ARHGAP15: variants seen among roughly 807,000 people sequenced by gnomAD.
ARHGAP15 encodes Rho GTPase activating protein 15, also known as rho GTPase-activating protein 15.
Under a neutral mutation model 63.7 loss-of-function variants are expected in ARHGAP15, and 51 were observed. The ratio of observed to expected loss-of-function variants is 0.80; its 90% CI spans 0.64 to 1.01. The LOEUF (loss-of-function observed/expected upper bound fraction) is 1.01, where lower values mean the gene tolerates loss of function less well. Among genes scored for constraint, ARHGAP15 ranks in the 50% least tolerant of loss-of-function variants. The pLI is 0.00. For missense variants in ARHGAP15, 560 were observed against 564.6 expected (o/e 0.99, Z 0.08); for synonymous variants, 191 against 193.8 (o/e 0.99, Z 0.12).
rs372197219 is a variant in ARHGAP15 at position 143,265,705 on chromosome 2, A to C, written c.474+15105A>C. Among the ~76,000 whole-genome samples, 14 of 152,250 alleles carry C rather than the reference A, an allele frequency of 9.2e-5. 1 individual carries two copies. In the South Asian group the frequency reaches 2.9e-3, roughly 32 times the overall value. ...TGATACTTATCTGGGTAAGGTGAAC[A>C]TGCAATTCTTAGACTTGCCTTTGTT... On this transcript the variant is annotated intron_variant, in intron 6 of 13. Transcript: ENST00000295095.
At chr2:143,363,537 T>C (rs1028473247) in intron 6 of ARHGAP15, among the ~76,000 whole-genome samples, 2 of 152,284 alleles carry the variant, frequency 1.3e-5, no homozygotes, top group Admixed American at 1.3e-4. Flanking sequence ...CTCTTGCTAC[T>C]GTTCTTTATA....
intron 8 of ARHGAP15, among the ~76,000 whole-genome samples, chr2:143,483,879 A>C (rs1354196998): frequency 1.3e-5 from 2 of 152,146 alleles, no homozygotes; most frequent in Non-Finnish European, 1.5e-5. Flanking sequence ...CTCCTCTTAG[A>C]TCCTTTAATC....
rs6714144 is a variant in ARHGAP15 at position 143,209,464 on chromosome 2, C to G, written c.235-6920C>G. On this transcript the variant is annotated intron_variant, in intron 3 of 13. Coordinates refer to ENST00000295095, the MANE Select transcript of ARHGAP15 (RefSeq NM_018460.4). ...GATAATATGCTAACTGGCCATGTCC[C>G]TTTCTAGAGAAGCGTTCAGTCTAGG... Among the ~76,000 whole-genome samples the G allele has an allele frequency of 3.6e-3, 552 of 152,120 alleles. 2 individuals are homozygous for G. Among genetic ancestry groups the G allele is most frequent in the African/African-American group, 0.013 (529 of 41,484 alleles).
intron 12 of ARHGAP15, among the ~76,000 whole-genome samples, chr2:143,691,954 A>T (rs541006784): frequency 6.6e-6 from 1 of 152,326 alleles, no homozygotes; most frequent in Admixed American, 6.5e-5. Flanking sequence ...ATGCCAGATG[A>T]TGGAATTTGG....
intron 6 of ARHGAP15, among the ~76,000 whole-genome samples, chr2:143,302,608 G>T (rs1379447491): frequency 6.6e-6 from 1 of 151,954 alleles, no homozygotes; most frequent in Non-Finnish European, 1.5e-5. Flanking sequence ...AAAGCAGAAG[G>T]AGATCAAGCA....
At chr2:143,205,329 A>G (rs1351657930) in intron 3 of ARHGAP15, among the ~76,000 whole-genome samples, 1 of 151,616 alleles carries the variant, frequency 6.6e-6, no homozygotes, top group African/African-American at 2.4e-5. Flanking sequence ...TTCCATGTAC[A>G]CTTCTGTTAC....
intron 1 of ARHGAP15, among the ~76,000 whole-genome samples, chr2:143,142,805 A>C (rs1204972147): frequency 2.6e-5 from 4 of 152,078 alleles, no homozygotes; most frequent in Non-Finnish European, 5.9e-5. Flanking sequence ...TGGTTGCATA[A>C]CCCATTTCAT....
chr2:143,235,779 G>C (rs1362211719), intron 5 of ARHGAP15, among the ~76,000 whole-genome samples: 1 of 152,198 alleles, frequency 6.6e-6, no homozygotes, highest in Non-Finnish European at 1.5e-5. Flanking sequence ...AGAAGTACTA[G>C]AGAATCAGGA....
chr2:143,667,582 TAAAAA>T (rs71338146), intron 12 of ARHGAP15, among the ~76,000 whole-genome samples: 2 of 138,948 alleles, frequency 1.4e-5, no homozygotes, highest in African/African-American at 2.8e-5. Context: ...TAAAAAAAAT[TAAAAA>T]AAAAAAAAAA....
chr2:143,523,927 T>C (rs1450538861), intron 10 of ARHGAP15, among the ~76,000 whole-genome samples: 1 of 152,152 alleles, frequency 6.6e-6, no homozygotes, highest in East Asian at 1.9e-4. Flanking sequence ...TTTTTTAAAA[T>C]GAAATCATGT....
At chr2:143,648,978 C>T (rs527243379) in intron 12 of ARHGAP15, 1 of 152,092 alleles carries the variant, frequency 6.6e-6, no homozygotes, top group African/African-American at 2.4e-5. Flanking sequence ...CTTTTAGTCT[C>T]AGACCTAGTA....
intron 2 of ARHGAP15, among the ~76,000 whole-genome samples, chr2:143,180,692 C>T (rs541823766): frequency 3.9e-5 from 6 of 152,032 alleles, no homozygotes; most frequent in African/African-American, 1.2e-4. Flanking sequence ...TTTTTTGAGA[C>T]GGAGTCTCAC....
At chr2:143,599,330 C>A (rs1392334408) in intron 11 of ARHGAP15, among the ~76,000 whole-genome samples, 2 of 152,116 alleles carry the variant, frequency 1.3e-5, no homozygotes, top group African/African-American at 2.4e-5. Flanking sequence ...TTGTTGCTGT[C>A]CATAGATGAG....
At chr2:143,665,103 A>G (rs1044385265) in intron 12 of ARHGAP15, among the ~76,000 whole-genome samples, 1 of 151,936 alleles carries the variant, frequency 6.6e-6, no homozygotes, top group Non-Finnish European at 1.5e-5. Context: ...AGCCTGGCAG[A>G]GACACAACCA....
At chr2:143,241,878 T>C (rs898807684) in intron 5 of ARHGAP15, among the ~76,000 whole-genome samples, 5 of 152,120 alleles carry the variant, frequency 3.3e-5, no homozygotes, top group African/African-American at 7.2e-5. Flanking sequence ...GGTACAGGGA[T>C]GTTACCATGT....
chr2:143,290,195 A>G (rs906956102), intron 6 of ARHGAP15, among the ~76,000 whole-genome samples: 2 of 152,158 alleles, frequency 1.3e-5, no homozygotes, highest in Non-Finnish European at 2.9e-5. Context: ...GGAGAAGGGT[A>G]GAGTAAAGGG....
intron 6 of ARHGAP15, among the ~76,000 whole-genome samples, chr2:143,360,623 T>G (rs1686007435): frequency 1.3e-5 from 2 of 152,128 alleles, no homozygotes; most frequent in Admixed American, 6.6e-5. Context: ...TCTGACCAAC[T>G]AAGAAATATA....
intron 13 of ARHGAP15, among the ~76,000 whole-genome samples, chr2:143,754,634 C>T (rs1686504334): frequency 1.3e-5 from 2 of 152,200 alleles, no homozygotes; most frequent in South Asian, 4.1e-4. Flanking sequence ...TCTCAGGATC[C>T]TCAAGCCTTC....
intron 8 of ARHGAP15, among the ~76,000 whole-genome samples, chr2:143,462,073 T>A (rs1460688514): frequency 6.6e-6 from 1 of 152,090 alleles, no homozygotes; most frequent in Non-Finnish European, 1.5e-5. Flanking sequence ...GGTGGGAGGA[T>A]GACTTGAGCC....
Sources: gnomAD v4.1 joint callset for allele counts (sites outside exome capture counted in the v4.1 genomes callset) on GRCh38, gnomAD v4.1.1 for gene constraint, MANE v1.5 for transcripts, NCBI Gene and HGNC (gene_info 2026-07-23, HGNC 2026-07-21) for gene names.